The following TGM4 variants were observed in gnomAD, a reference collection of about 807,000 sequenced individuals.
TGM4 encodes the protein transglutaminase 4.
In TGM4, 61 loss-of-function variants were observed where a neutral mutation model predicts 76.3. The observed-to-expected ratio is 0.80, with a 90% CI of 0.65 to 0.99. The LOEUF is 0.99. Ranked by LOEUF, TGM4 falls within the 50% of genes least tolerant of loss-of-function variation. TGM4 has a pLI of 0.00. For missense variants in TGM4, 794 were observed against 843.2 expected (o/e 0.94, Z 0.72); for synonymous variants, 337 against 329.8 (o/e 1.02, Z -0.24).
At chr3:44,880,151 G>A (rs771719982) in intron 1 of TGM4, among the ~76,000 whole-genome samples, 3 of 152,162 alleles carry the variant, frequency 2.0e-5, no homozygotes, top group Non-Finnish European at 2.9e-5. Flanking sequence ...TTTCTTGGAC[G>A]AATACTTGTG....
Position 44,910,130 on chromosome 3 carries a change from CCTT to C in TGM4, c.1371_1373del (p.Leu458del), listed in dbSNP as rs1699981839. The C allele has an allele frequency of 6.2e-7, 1 of 1,614,200 alleles. No individual in the cohort carries two copies. Among genetic ancestry groups the C allele is most frequent in the Non-Finnish European group, 8.5e-7 (1 of 1,180,044 alleles). On this transcript the variant is annotated inframe_deletion, in exon 11 of 14. Transcript: ENST00000296125. ...GGCAGGTCATGGATCATGCCTTCCT[CCTT>C]CTCAGTTCTGAGAGGGAGCACAGAC...
chr3:44,882,640 A>C (rs1699550087), intron 1 of TGM4, among the ~76,000 whole-genome samples: 1 of 152,030 alleles, frequency 6.6e-6, no homozygotes, highest in Admixed American at 6.5e-5. Flanking sequence ...TTGCCTTTCC[A>C]TGTCTCTTAT....
At chr3:44,896,258 T>C (rs1447891394) in intron 5 of TGM4, among the ~76,000 whole-genome samples, 1 of 152,134 alleles carries the variant, frequency 6.6e-6, no homozygotes. Flanking sequence ...ATTACAGGCA[T>C]GCACCACCAC....
intron 5 of TGM4, 82 bp downstream of exon 5, chr3:44,893,777 C>T: frequency 7.7e-7 from 1 of 1,293,404 alleles, no homozygotes; most frequent in Admixed American, 1.7e-5. Flanking sequence ...AGTAAAGGTT[C>T]TGGAGAAAGG....
chr3:44,902,254 T>C (rs1409784963), intron 8 of TGM4, among the ~76,000 whole-genome samples: 2 of 152,208 alleles, frequency 1.3e-5, no homozygotes, highest in Non-Finnish European at 2.9e-5. Flanking sequence ...TCAATATTTT[T>C]CAACATTTGG....
At chr3:44,900,134 G>A (rs758371578) in intron 6 of TGM4, among the ~76,000 whole-genome samples, 4 of 152,166 alleles carry the variant, frequency 2.6e-5, no homozygotes, top group South Asian at 2.1e-4. Flanking sequence ...TGGGCTCAGC[G>A]TCACTCCCCT....
intron 4 of TGM4, among the ~76,000 whole-genome samples, chr3:44,891,697 A>G (rs116800669): frequency 0.02 from 3,029 of 152,282 alleles, 50 homozygotes; most frequent in Middle Eastern, 0.065. Flanking sequence ...GTTAGCAGCC[A>G]GGCGTGGTGG....
chr3:44,894,766 G>A (rs1699757037), intron 5 of TGM4, among the ~76,000 whole-genome samples: 3 of 152,064 alleles, frequency 2.0e-5, no homozygotes, highest in South Asian at 4.1e-4. Flanking sequence ...GTAGGGACAA[G>A]GGAGGAAGGA....
intron 1 of TGM4, among the ~76,000 whole-genome samples, chr3:44,877,339 T>C (rs1470697733): frequency 6.6e-6 from 1 of 152,002 alleles, no homozygotes; most frequent in Non-Finnish European, 1.5e-5. Context: ...TCCCAGCTAC[T>C]TGGGTGACTG....
intron 10 of TGM4, among the ~76,000 whole-genome samples, chr3:44,909,235 C>T (rs190806776): frequency 6.6e-6 from 1 of 152,294 alleles, no homozygotes; most frequent in East Asian, 1.9e-4. Flanking sequence ...CTTGCTTGAG[C>T]CTCAAGGTCA....
rs189534348 is a variant in TGM4, at chr3:44,896,214, C to T, written c.550-495C>T. On this transcript the variant is annotated intron_variant, in intron 5 of 13. Coordinates refer to ENST00000296125, the MANE Select transcript of TGM4 (RefSeq NM_003241.4). ...GCAACCTCCGCCTCCTGAGTTCAAGCGATTCTCCTGACTCAGCTTCCCGAG... is the reference window on the plus strand; with the variant it reads ...GCAACCTCCGCCTCCTGAGTTCAAGTGATTCTCCTGACTCAGCTTCCCGAG... 1.4e-3 allele frequency among the ~76,000 whole-genome samples: 217 copies of T among 152,216 alleles called. 2 individuals are homozygous for T. Among genetic ancestry groups the T allele is most frequent in the African/African-American group, 4.6e-3 (189 of 41,516 alleles).
rs370635352 is a variant in TGM4 at position 44,913,689 on chromosome 3, G to A, written c.2019G>A (p.Glu673=). ...AGTTAAGTTCCAAACAAGTGAAAGA[G>A]ATTAATGCTCAGAAGATTGTTCTCA... ...IVKLSSKQVK[E]INAQKIVLIT... Residue 673 remains glutamate, a synonymous_variant, in exon 14 of 14, where the codon GAG becomes GAA. Coordinates refer to ENST00000296125, the MANE Select transcript of TGM4 (RefSeq NM_003241.4). The A allele has an allele frequency of 1.1e-5, 17 of 1,614,066 alleles. No individual in the cohort carries two copies. The highest frequency in any genetic ancestry group is 1.4e-5 in the Non-Finnish European group (16 of 1,180,020).
At chr3:44,909,661 G>T (rs190886883) in intron 10 of TGM4, among the ~76,000 whole-genome samples, 1 of 152,170 alleles carries the variant, frequency 6.6e-6, no homozygotes, top group African/African-American at 2.4e-5. Flanking sequence ...GTGATTTGGT[G>T]CTGTGGTTTT....
intron 8 of TGM4, 124 bp downstream of exon 8, chr3:44,902,055 C>G (rs1255497771): frequency 8.6e-7 from 1 of 1,157,390 alleles, no homozygotes; most frequent in African/African-American, 1.6e-5. Flanking sequence ...AAGCAGTCCT[C>G]CTGCCTTAGC....
chr3:44,889,941 T>G (rs908870106), intron 3 of TGM4, among the ~76,000 whole-genome samples: 1 of 152,206 alleles, frequency 6.6e-6, no homozygotes, highest in African/African-American at 2.4e-5. Context: ...GAAAGAAGTT[T>G]AATTGACTCA....
chr3:44,884,037 C>T (rs577139591), intron 1 of TGM4, among the ~76,000 whole-genome samples: 3 of 152,328 alleles, frequency 2.0e-5, no homozygotes, highest in East Asian at 1.9e-4. Flanking sequence ...AGCAGCACAG[C>T]GTCATCAAGG....
intron 10 of TGM4, 81 bp downstream of exon 10, chr3:44,907,281 T>G (rs1575726950): frequency 7.3e-7 from 1 of 1,378,470 alleles, no homozygotes; most frequent in Non-Finnish European, 9.7e-7. Context: ...GGGGTGGGCC[T>G]GGGCAACATG....
chr3:44,903,336 T>C lies in TGM4; in HGVS notation c.972-548T>C, dbSNP rs556954627. Reference sequence around the variant, plus strand: ...AAAACCAAGAGCACCAACTTAAAAATAGCAAGATTTAATATGAGAATTCAG... The same window carrying C: ...AAAACCAAGAGCACCAACTTAAAAACAGCAAGATTTAATATGAGAATTCAG... On this transcript the variant is annotated intron_variant, in intron 8 of 13. Transcript: ENST00000296125. Among the ~76,000 whole-genome samples the C allele has an allele frequency of 4.1e-4, 62 of 152,290 alleles. No homozygotes were observed. In the South Asian group the frequency reaches 0.013, roughly 31 times the overall value.
chr3:44,881,203 TAAA>T (rs56209528), intron 1 of TGM4, among the ~76,000 whole-genome samples: 1 of 145,838 alleles, frequency 6.9e-6, no homozygotes. Context: ...GGCCCTGTAT[TAAA>T]AAAAAAAAAA....
Sources: allele counts gnomAD v4.1 joint callset (sites outside exome capture counted in the v4.1 genomes callset), GRCh38; gene constraint gnomAD v4.1.1; transcripts MANE v1.5; gene names NCBI Gene and HGNC (gene_info 2026-07-23, HGNC 2026-07-21).